The following PTPN21 variants were observed in gnomAD, a reference collection of about 807,000 sequenced individuals.
The protein encoded by PTPN21 is tyrosine-protein phosphatase non-receptor type 21.
PTPN21 carries 77 observed loss-of-function variants against 131.8 expected under a neutral mutation model. That is an observed-to-expected ratio of 0.58 (90% CI 0.49 to 0.71). The LOEUF is 0.71. PTPN21 is among the 30% of genes least tolerant of loss of function. The pLI is 0.00. For missense variants in PTPN21, 1,552 were observed against 1,527.1 expected (o/e 1.02, Z -0.27); for synonymous variants, 715 against 621.3 (o/e 1.15, Z -2.24).
Position 88,480,107 on chromosome 14 carries a change from G to T in PTPN21, c.1324C>A (p.Pro442Thr), listed in dbSNP as rs778480259. The T allele has an allele frequency of 1.9e-6, 3 of 1,614,168 alleles. No homozygotes were observed. The highest frequency in any genetic ancestry group is 2.2e-5 in the East Asian group (1 of 44,866). Reference protein sequence around the residue: ...LPSHRHSAVIPPSYRPTPDYE... With the variant: ...LPSHRHSAVITPSYRPTPDYE... The stretch of plus-strand genomic sequence containing the variant: ...TCTGGGGTGGGGCGGTAGGACGGGG[G>T]TATCACGGCGCTGTGCCGATGGGAC... The change falls in exon 13 of 19, where the codon CCC becomes ACC. Residue 442 changes from proline (P) to threonine (T), a missense_variant. Transcript: ENST00000556564.
chr14:88,491,599 T>C (rs2140116913), intron 10 of PTPN21, among the ~76,000 whole-genome samples: 1 of 152,346 alleles, frequency 6.6e-6, no homozygotes, highest in Non-Finnish European at 1.5e-5. Context: ...GCCATAACAA[T>C]TAAAGTTCTT....
intron 13 of PTPN21, among the ~76,000 whole-genome samples, chr14:88,477,828 G>C (rs1364696822): frequency 1.3e-5 from 2 of 152,274 alleles, no homozygotes; most frequent in Non-Finnish European, 2.9e-5. Flanking sequence ...CACTTCGGTG[G>C]ACACACTTCA....
intron 8 of PTPN21, among the ~76,000 whole-genome samples, chr14:88,497,527 T>C (rs559461744): frequency 6.6e-6 from 1 of 151,914 alleles, no homozygotes; most frequent in African/African-American, 2.4e-5. Context: ...CTCAGCACTT[T>C]GGGAGGCCAA....
chr14:88,468,308 G>A, intron 18 of PTPN21, 43 bp from the exon 19 acceptor site: 3 of 1,521,482 alleles, frequency 2.0e-6, no homozygotes, highest in Non-Finnish European at 2.7e-6. Context: ...TGTTCCCCTG[G>A]GGAGACAGAA....
intron 2 of PTPN21, among the ~76,000 whole-genome samples, chr14:88,518,370 G>A (rs1225094564): frequency 3.7e-5 from 1 of 27,306 alleles, no homozygotes; most frequent in African/African-American, 8.7e-5. Flanking sequence ...ACACGTGTGT[G>A]TGTATGTGTG....
At chr14:88,523,757 C>T (rs1354252964) in intron 2 of PTPN21, among the ~76,000 whole-genome samples, 1 of 137,300 alleles carries the variant, frequency 7.3e-6, no homozygotes, top group Non-Finnish European at 1.6e-5. Flanking sequence ...ACACACACAC[C>T]CCTGCCCTAC....
intron 2 of PTPN21, among the ~76,000 whole-genome samples, chr14:88,520,338 TAGAC>T (rs2078369994): frequency 6.6e-6 from 1 of 151,202 alleles, no homozygotes; most frequent in Non-Finnish European, 1.5e-5. Flanking sequence ...ACCCAGGAGG[TAGAC>T]AGAGGCTGCA....
At chr14:88,533,936 T>C (rs569230311) in intron 2 of PTPN21, among the ~76,000 whole-genome samples, 85 of 152,184 alleles carry the variant, frequency 5.6e-4, no homozygotes, top group Non-Finnish European at 9.6e-4. Flanking sequence ...ATTGTTATCA[T>C]AGGGGATGAC....
rs150473555 is a variant in PTPN21 at position 88,535,762 on chromosome 14, C to T, written c.180+14476G>A. On this transcript the variant is annotated intron_variant, in intron 2 of 18. Transcript: ENST00000556564. ...AAGTCTGAACATACCAGGACTTTTA[C>T]TAAAAGAAAGGCAAAAACTTTGCTA... Among the ~76,000 whole-genome samples, 696 of 152,290 alleles carry T rather than the reference C, an allele frequency of 4.6e-3. 1 individual carries two copies. Among genetic ancestry groups the T allele is most frequent in the Non-Finnish European group, 7.8e-3 (533 of 68,014 alleles).
At chr14:88,508,150 GTTTTTT>G (rs34305703) in intron 3 of PTPN21, 130 bp from the exon 4 acceptor site, 36 of 398,814 alleles carry the variant, frequency 9.0e-5, no homozygotes, top group Non-Finnish European at 1.4e-4. Context: ...GGTTGTGTGT[GTTTTTT>G]TTTTTTTTTT....
At chr14:88,522,152 C>T (rs1424857373) in intron 2 of PTPN21, among the ~76,000 whole-genome samples, 2 of 152,064 alleles carry the variant, frequency 1.3e-5, no homozygotes, top group Non-Finnish European at 2.9e-5. Flanking sequence ...TTAGGCCGGG[C>T]GTGGTGGATT....
rs2078902771 is a variant in PTPN21 at position 88,554,724 on chromosome 14, G to GCGCGGCCGC, written c.-285_-277dup. 1 of 148,220 alleles carries GCGCGGCCGC rather than the reference G, an allele frequency of 6.7e-6. No homozygotes were observed. The highest frequency in any genetic ancestry group is 2.0e-4 in the South Asian group (1 of 5,124). 9.2% of individuals were successfully genotyped at this position (148,220 alleles called of 1,614,324 possible). The stretch of plus-strand genomic sequence containing the variant: ...GCGACCCGCCTCCCGGGGCCCCGCC[G>GCGCGGCCGC]CGCGGCCGCCGCAGCCGCACCCGCA... On this transcript the variant is annotated 5_prime_UTR_variant, in exon 1 of 19. Transcript: ENST00000556564.
chr14:88,480,326 C>T lies in PTPN21; in HGVS notation c.1105G>A (p.Gly369Arg). Residue 369 changes from glycine to arginine, a missense_variant, in exon 13 of 19, where the codon GGA (glycine) becomes AGA (arginine). By Grantham distance (125) the Gly-to-Arg change is moderately radical. Transcript: ENST00000556564. ...CTTGTCTGAGAGTGACAGTAGTATC[C>T]GTTCTGGTTGGGCACAAAGAGGTTA... Reference protein sequence around the residue: ...QDNLFVPNQNGYYCHSQTSLD... With the variant: ...QDNLFVPNQNRYYCHSQTSLD... 6.2e-7 allele frequency: 1 copy of T among 1,613,504 alleles called. No individual in the cohort carries two copies. The highest frequency in any genetic ancestry group is 8.5e-7 in the Non-Finnish European group (1 of 1,179,564).
chr14:88,550,299 G>A lies in PTPN21; in HGVS notation c.119C>T (p.Ser40Phe). The A allele has an allele frequency of 6.2e-7, 1 of 1,614,220 alleles. No homozygotes were observed. Among genetic ancestry groups the A allele is most frequent in the Non-Finnish European group, 8.5e-7 (1 of 1,180,028 alleles). ...GCTTTCCTGGCCAGTGCTCTCCACG[G>A]ACAGGGTGAACTCCACAAACTCGTT... The part of the protein sequence containing the change: ...LNNEFVEFTL[S>F]VESTGQESLE... The change falls in exon 2 of 19, where the codon TCC (serine) becomes TTC (phenylalanine). Residue 40 changes from serine to phenylalanine, a missense_variant. Coordinates refer to ENST00000556564, the MANE Select transcript of PTPN21 (RefSeq NM_007039.4).
intron 5 of PTPN21, 67 bp downstream of exon 5, chr14:88,505,237 A>G: frequency 8.0e-7 from 1 of 1,245,002 alleles, no homozygotes; most frequent in Admixed American, 2.1e-5. Flanking sequence ...ATTTCATTTC[A>G]GGGATTATTA....
chr14:88,553,793 C>G (rs1379777388), intron 1 of PTPN21, among the ~76,000 whole-genome samples: 1 of 152,090 alleles, frequency 6.6e-6, no homozygotes, highest in Non-Finnish European at 1.5e-5. Flanking sequence ...AATCTTACAG[C>G]GTTTCCCCTT....
At chr14:88,505,552 T>G (rs998972843) in intron 4 of PTPN21, among the ~76,000 whole-genome samples, 181 bp from the exon 5 acceptor site, 1 of 152,198 alleles carries the variant, frequency 6.6e-6, no homozygotes, top group South Asian at 2.1e-4. Context: ...TAGGCAGATA[T>G]GAGTCTTGGC....
At position 88,479,258 on chromosome 14, in the gene PTPN21, C is replaced by G. The variant is rs754594048; in HGVS notation, c.2173G>C (p.Ala725Pro). 4.3e-6 allele frequency: 7 copies of G among 1,611,824 alleles called. No individual in the cohort carries two copies. The highest frequency in any genetic ancestry group is 2.5e-6 in the Non-Finnish European group (3 of 1,179,024). ...CGCGCACGTGCAGGAGGCGCCCGGG[C>G]CCCGCTCTCCTCCTCGAAGTCCTCG... ...EDEDFEEESG[A>P]RAPPARAREP... The change falls in exon 13 of 19, where the codon GCC becomes CCC. Residue 725 changes from alanine to proline, a missense_variant. Transcript: ENST00000556564.
chr14:88,503,020 C>A (rs1768860231), intron 6 of PTPN21, among the ~76,000 whole-genome samples: 1 of 151,770 alleles, frequency 6.6e-6, no homozygotes, highest in Non-Finnish European at 1.5e-5. Context: ...CAATTTCCAC[C>A]TCTACCACAC....
Sources: gnomAD v4.1 joint callset for allele counts (sites outside exome capture counted in the v4.1 genomes callset) on GRCh38, gnomAD v4.1.1 for gene constraint, MANE v1.5 for transcripts, NCBI Gene and HGNC (gene_info 2026-07-23, HGNC 2026-07-21) for gene names.